Variants in RNF150 observed in about 807,000 individuals in gnomAD.
RNF150 encodes ring finger protein 150.
Under a neutral mutation model 39.3 loss-of-function variants are expected in RNF150, and 24 were observed. That is an observed-to-expected ratio of 0.61 (90% CI 0.44 to 0.86). The LOEUF is 0.86. Among genes scored for constraint, RNF150 ranks in the 40% least tolerant of loss-of-function variants. The pLI, the probability that RNF150 is intolerant of heterozygous loss-of-function variation, is 0.00. For missense variants in RNF150, 502 were observed against 587.8 expected, an observed-to-expected ratio of 0.85 and a Z score of 1.51; for synonymous variants, 255 against 227.3, an observed-to-expected ratio of 1.12 and a Z score of -1.10.
Position 140,898,530 on chromosome 4 carries a change from TATG to T in RNF150, c.1198+12611_1198+12613del, listed in dbSNP as rs1174828056. Among the ~76,000 whole-genome samples, 20 of 152,360 alleles carry T rather than the reference TATG, an allele frequency of 1.3e-4. No individual in the cohort carries two copies. In the East Asian group the frequency reaches 3.5e-3, roughly 26 times the overall value. On this transcript the variant is annotated intron_variant, in intron 6 of 6. Coordinates refer to ENST00000515673, the MANE Select transcript of RNF150 (RefSeq NM_020724.2). Reference sequence around the variant, plus strand: ...GCTTTAGGTACAAATGTCTGACACATATGATATGCATATATGAACATGTTATAG... The same window carrying T: ...GCTTTAGGTACAAATGTCTGACACATATATGCATATATGAACATGTTATAG...
In RNF150 at chr4:141,055,932, G is replaced by C. The variant is rs140139591; in HGVS notation, c.484+76393C>G. 2.1e-4 allele frequency among the ~76,000 whole-genome samples: 32 copies of C among 152,220 alleles called. No homozygotes were observed. The East Asian group carries it at 2.7e-3, about 13-fold the overall frequency. On this transcript the variant is annotated intron_variant, in intron 1 of 6. Coordinates refer to ENST00000515673, the MANE Select transcript of RNF150 (RefSeq NM_020724.2). ...ACAGGTGTGCACTTTGAAAATAGTG[G>C]AGTGCATGTTATGTCAGCATTTATT...
intron 1 of RNF150, among the ~76,000 whole-genome samples, chr4:141,169,077 A>T (rs1044405371): frequency 8.5e-5 from 13 of 152,168 alleles, no homozygotes; most frequent in Admixed American, 2.6e-4. Context: ...CCCATATCTT[A>T]CGTTGAATTG....
At chr4:141,161,155 T>C (rs1232437858) in intron 1 of RNF150, among the ~76,000 whole-genome samples, 1 of 152,144 alleles carries the variant, frequency 6.6e-6, no homozygotes, top group Non-Finnish European at 1.5e-5. Flanking sequence ...ATTAAAGTCC[T>C]GGATAATGAG....
chr4:141,128,140 T>G (rs1726799207), intron 1 of RNF150, among the ~76,000 whole-genome samples: 1 of 152,218 alleles, frequency 6.6e-6, no homozygotes, highest in Admixed American at 6.5e-5. Flanking sequence ...TCAGTGAGCC[T>G]CAGAGGTATG....
intron 1 of RNF150, among the ~76,000 whole-genome samples, chr4:141,070,668 A>C (rs1488896653): frequency 1.4e-5 from 2 of 144,356 alleles, no homozygotes; most frequent in African/African-American, 4.9e-5. Context: ...AATGCAAATC[A>C]AAACCACAAT....
At chr4:141,035,986 AGGGAT>A (rs1268000712) in intron 1 of RNF150, among the ~76,000 whole-genome samples, 2 of 152,166 alleles carry the variant, frequency 1.3e-5, no homozygotes, top group Admixed American at 1.3e-4. Flanking sequence ...TAAAAGATAA[AGGGAT>A]TATCAATAAG....
At chr4:140,940,330 T>C (rs1315058295) in intron 4 of RNF150, among the ~76,000 whole-genome samples, 1 of 152,130 alleles carries the variant, frequency 6.6e-6, no homozygotes, top group Non-Finnish European at 1.5e-5. Context: ...TAATCTAAAA[T>C]GTGAAATGAA....
intron 1 of RNF150, among the ~76,000 whole-genome samples, chr4:141,085,358 G>A (rs1738322909): frequency 6.6e-6 from 1 of 152,156 alleles, no homozygotes. Context: ...GATGAGATTT[G>A]GGTGGGGACA....
chr4:140,956,615 G>A (rs907189849), intron 2 of RNF150, among the ~76,000 whole-genome samples: 3 of 151,988 alleles, frequency 2.0e-5, no homozygotes, highest in African/African-American at 4.8e-5. Flanking sequence ...ACATTTGGGG[G>A]AAAAAACAAT....
Position 140,899,964 on chromosome 4 carries a change from CTCTCTCTCTCTGTGTGTGTGTGTG to C in RNF150, c.1198+11156_1198+11179del, listed in dbSNP as rs1253644351. On this transcript the variant is annotated intron_variant, in intron 6 of 6. Transcript: ENST00000515673. ...TCACTTTCTCTCTCTCTCTCTCTCT[CTCTCTCTCTCTGTGTGTGTGTGTG>C]TGTGTGTGTGTGTGTGTCCCATTTG... is the stretch of plus-strand genomic sequence containing the variant. Among the ~76,000 whole-genome samples, 941 of 118,900 alleles carry C rather than the reference CTCTCTCTCTCTGTGTGTGTGTGTG, an allele frequency of 7.9e-3. 12 individuals carry two copies. The highest frequency in any genetic ancestry group is 0.028 in the African/African-American group (893 of 32,102). The allele number at this position is 118,900 out of a possible 152,430, so 78.0% of individuals were successfully genotyped here. A position where few individuals can be genotyped will look rare whatever the true frequency, so the allele number is the denominator to read the frequency against.
chr4:141,170,166 C>A (rs1011927055), intron 1 of RNF150, among the ~76,000 whole-genome samples: 2 of 152,062 alleles, frequency 1.3e-5, no homozygotes, highest in African/African-American at 2.4e-5. Flanking sequence ...ACTTAATGAG[C>A]CTTTTCAGAC....
chr4:141,185,762 G>A (rs1387919738), intron 1 of RNF150, among the ~76,000 whole-genome samples: 1 of 152,188 alleles, frequency 6.6e-6, no homozygotes, highest in East Asian at 1.9e-4. Context: ...TTTATCGAAA[G>A]CCTTTTCTGC....
intron 1 of RNF150, among the ~76,000 whole-genome samples, chr4:141,055,572 C>A (rs1397994983): frequency 5.3e-5 from 8 of 152,040 alleles, no homozygotes; most frequent in African/African-American, 1.9e-4. Context: ...AAGGATTAAG[C>A]AACCATTTAA....
At chr4:141,033,947 G>A (rs1285253647) in intron 1 of RNF150, among the ~76,000 whole-genome samples, 2 of 152,172 alleles carry the variant, frequency 1.3e-5, no homozygotes, top group Non-Finnish European at 2.9e-5. Context: ...AGGATCTTCA[G>A]AATGCTAAAT....
intron 2 of RNF150, among the ~76,000 whole-genome samples, chr4:140,960,322 T>C (rs1050494686): frequency 6.6e-6 from 1 of 152,200 alleles, no homozygotes; most frequent in Non-Finnish European, 1.5e-5. Flanking sequence ...ATAAGGACTA[T>C]CTATATTTTG....
chr4:141,145,891 T>A (rs1332151436), intron 1 of RNF150, among the ~76,000 whole-genome samples: 1 of 152,160 alleles, frequency 6.6e-6, no homozygotes, highest in Admixed American at 6.5e-5. Context: ...TCAGGTTGTG[T>A]CTCAGGGTAT....
At chr4:140,879,315 G>A (rs1729288657) in intron 6 of RNF150, among the ~76,000 whole-genome samples, 1 of 152,150 alleles carries the variant, frequency 6.6e-6, no homozygotes, top group African/African-American at 2.4e-5. Flanking sequence ...TTTACAGATT[G>A]CTTTGGGTAG....
rs184102450 is a variant in RNF150, at chr4:141,163,699, C to G, written c.-6+49095G>C. Among the ~76,000 whole-genome samples, 8 of 152,314 alleles carry G rather than the reference C, an allele frequency of 5.3e-5. No homozygotes were observed. The East Asian group carries it at 1.5e-3, about 29-fold the overall frequency. ...GGACCTCCAGCAAACTCCAGCAGAC[C>G]TGTAGAATAGGGGTCTGACTGTTAG... On this transcript the variant is annotated intron_variant, in intron 1 of 7. Coordinates refer to the RNF150 transcript ENST00000420921.
At chr4:141,018,005 C>T (rs530229872) in intron 1 of RNF150, among the ~76,000 whole-genome samples, 1 of 152,268 alleles carries the variant, frequency 6.6e-6, no homozygotes. Flanking sequence ...ATAAACCTCA[C>T]ATCCCATAAT....
Sources: allele counts gnomAD v4.1 joint callset (sites outside exome capture counted in the v4.1 genomes callset), GRCh38; gene constraint gnomAD v4.1.1; transcripts MANE v1.5; gene names NCBI Gene and HGNC (gene_info 2026-07-23, HGNC 2026-07-21).